ITGAV: variants seen among roughly 807,000 people sequenced by gnomAD.
The protein encoded by ITGAV is integrin alpha-V.
A neutral mutation model predicts 143.8 loss-of-function variants in ITGAV; 76 were observed. The ratio of observed to expected loss-of-function variants is 0.53; its 90% CI spans 0.44 to 0.64. The LOEUF (loss-of-function observed/expected upper bound fraction) is 0.64. Ranked by LOEUF, ITGAV falls within the 30% of genes least tolerant of loss-of-function variation. The pLI is 0.00. For synonymous variants in ITGAV, 453 were observed against 446.7 expected (o/e 1.01, Z -0.18); for missense variants, 1,193 against 1,274.7 (o/e 0.94, Z 0.98).
chr2:186,649,954 C>T, intron 14 of ITGAV, 69 bp downstream of exon 14: 1 of 1,019,944 alleles, frequency 9.8e-7, no homozygotes, highest in Non-Finnish European at 1.4e-6. Flanking sequence ...AATTAAGTGT[C>T]AGTGTTTGAA....
intron 18 of ITGAV, among the ~76,000 whole-genome samples, chr2:186,662,895 T>C (rs1005764676): frequency 2.6e-5 from 4 of 152,234 alleles, no homozygotes; most frequent in Admixed American, 6.5e-5. Flanking sequence ...TTTCTTTTCC[T>C]TTAAATCCTT....
rs755486603 is a variant in ITGAV, at chr2:186,590,455, C to G, written c.117C>G (p.Ala39=). The part of the protein sequence containing the change: ...RAFNLDVDSP[A]EYSGPEGSYF... ...TCAACCTAGACGTGGACAGTCCTGC[C>G]GAGTACTCTGGCCCCGAGGGAAGTT... Residue 39 remains alanine (A), a synonymous_variant, in exon 1 of 30, where the codon GCC becomes GCG. Transcript: ENST00000261023. 6.2e-7 allele frequency: 1 copy of G among 1,612,772 alleles called. No homozygotes were observed. Among genetic ancestry groups the G allele is most frequent in the East Asian group, 2.2e-5 (1 of 44,658 alleles).
At chr2:186,654,730 A>G (rs1356128138) in intron 16 of ITGAV, 22 bp downstream of exon 16, 10 of 1,189,908 alleles carry the variant, frequency 8.4e-6, no homozygotes, top group African/African-American at 1.5e-5. Flanking sequence ...ATGAAAAATC[A>G]TATTATTTTA....
intron 16 of ITGAV, 50 bp downstream of exon 16, chr2:186,654,758 G>A (rs763975835): frequency 1.5e-5 from 11 of 736,148 alleles, no homozygotes; most frequent in Non-Finnish European, 2.6e-5. Context: ...TGCATACACA[G>A]CACTTAAAAA....
chr2:186,600,368 A>C (rs773272114), intron 1 of ITGAV: 10 of 1,536,458 alleles, frequency 6.5e-6, no homozygotes, highest in African/African-American at 1.4e-5. Flanking sequence ...GATCCTGTAC[A>C]TCTTAATGTT....
intron 18 of ITGAV, among the ~76,000 whole-genome samples, chr2:186,661,468 G>A (rs1417753891): frequency 6.6e-6 from 1 of 152,164 alleles, no homozygotes; most frequent in African/African-American, 2.4e-5. Context: ...ATTGGACAAT[G>A]CAGTTCTAGT....
In ITGAV at chr2:186,590,524, G is replaced by A. The variant is rs1458593429; in HGVS notation, c.185+1G>A. ...ATTTCTTCGTGCCCAGCGCGTCTTCGTAAGTGGCCGCACTTGGAACTGGAG... is the reference window on the plus strand; with the variant it reads ...ATTTCTTCGTGCCCAGCGCGTCTTCATAAGTGGCCGCACTTGGAACTGGAG... On this transcript the variant is annotated splice_donor_variant, in intron 1 of 29. Coordinates refer to ENST00000261023, the MANE Select transcript of ITGAV (RefSeq NM_002210.5). LOFTEE classifies it high-confidence loss of function. 6.2e-7 allele frequency: 1 copy of A among 1,609,992 alleles called. No individual in the cohort carries two copies. Among genetic ancestry groups the A allele is most frequent in the Non-Finnish European group, 8.5e-7 (1 of 1,178,578 alleles).
Position 186,663,848 on chromosome 2 carries a change from T to C in ITGAV, c.1925+13T>C, listed in dbSNP as rs1412250488. 1.9e-6 allele frequency: 3 copies of C among 1,577,506 alleles called. No homozygotes were observed. The highest frequency in any genetic ancestry group is 2.7e-5 in the African/African-American group (2 of 74,156). On this transcript the variant is annotated intron_variant, in intron 19 of 29. Coordinates refer to ENST00000261023, the MANE Select transcript of ITGAV (RefSeq NM_002210.5). Reference sequence around the variant, plus strand: ...TTTCTGTAGATAGGTAAGTTTTGCTTGAAATAATAATGTAGTAAGAAATTT... The same window carrying C: ...TTTCTGTAGATAGGTAAGTTTTGCTCGAAATAATAATGTAGTAAGAAATTT...
At position 186,664,575 on chromosome 2, in the gene ITGAV, C is replaced by A. The variant is rs200857823; in HGVS notation, c.2007C>A (p.Tyr669Ter). The change falls in exon 20 of 30, where the codon TAC becomes TAA. Residue 669 changes from tyrosine to a stop codon, truncating the protein, a stop_gained. Coordinates refer to ENST00000261023, the MANE Select transcript of ITGAV (RefSeq NM_002210.5). LOFTEE classifies it high-confidence loss of function. Reference sequence around the variant, plus strand: ...CTCAGAATCAAGGAGAAGGTGCCTACGAAGCTGAGCTCATCGTTTCCATTC... The same window carrying A: ...CTCAGAATCAAGGAGAAGGTGCCTAAGAAGCTGAGCTCATCGTTTCCATTC... ...VKAQNQGEGAYEAELIVSIPL... is the reference protein window; with the variant it reads ...VKAQNQGEGA The A allele has an allele frequency of 1.9e-6, 3 of 1,613,974 alleles. No individual in the cohort carries two copies. Among genetic ancestry groups the A allele is most frequent in the African/African-American group, 1.3e-5 (1 of 74,928 alleles).
chr2:186,674,524 T>A (rs1433672953), intron 26 of ITGAV, among the ~76,000 whole-genome samples: 1 of 152,086 alleles, frequency 6.6e-6, no homozygotes, highest in Non-Finnish European at 1.5e-5. Context: ...TTTTTTTTTC[T>A]TTTTGAAGAA....
chr2:186,633,777 T>G (rs1159012044), intron 6 of ITGAV, among the ~76,000 whole-genome samples: 1 of 152,110 alleles, frequency 6.6e-6, no homozygotes, highest in Non-Finnish European at 1.5e-5. Flanking sequence ...GTTGAAGGTT[T>G]TGAAAGTATT....
Position 186,590,356 on chromosome 2 carries a change from G to A in ITGAV, c.18G>A (p.Arg6=), listed in dbSNP as rs957189225. 11 of 1,583,912 alleles carry A rather than the reference G, an allele frequency of 6.9e-6. No homozygotes were observed. The African/African-American group carries it at 1.4e-4, about 20-fold the overall frequency. The change falls in exon 1 of 30, where the codon CGG becomes CGA. Residue 6 remains arginine, a synonymous_variant. Coordinates refer to ENST00000261023, the MANE Select transcript of ITGAV (RefSeq NM_002210.5). MAFPP[R]RRLRLGPRGL... is the part of the protein sequence containing the mutation. ...CTTCGGCGATGGCTTTTCCGCCGCG[G>A]CGACGGCTGCGCCTCGGTCCCCGCG...
rs746894846 is a variant in ITGAV, at chr2:186,666,732, A to G, written c.2195A>G (p.His732Arg). 4 of 1,587,340 alleles carry G rather than the reference A, an allele frequency of 2.5e-6. No individual in the cohort carries two copies. Among genetic ancestry groups the G allele is most frequent in the Non-Finnish European group, 3.4e-6 (4 of 1,169,514 alleles). The change falls in exon 22 of 30, where the codon CAC becomes CGC. Residue 732 changes from histidine (H) to arginine (R), a missense_variant. Transcript: ENST00000261023. ...QLLAGLRFSVHQQSEMDTSVK... is the reference protein window; with the variant it reads ...QLLAGLRFSVRQQSEMDTSVK... The stretch of plus-strand genomic sequence containing the variant: ...TTAGCTGGTCTTCGTTTCAGTGTGC[A>G]CCAGCAGTCAGAGATGGATACTTCT...
rs200856961 is a variant in ITGAV at position 186,636,101 on chromosome 2, A to G, written c.651A>G (p.Gln217=). The G allele has an allele frequency of 2.5e-6, 4 of 1,613,052 alleles. No homozygotes were observed. In the East Asian group the frequency reaches 8.9e-5, roughly 36 times the overall value. ...TTTTAGGTCAGCTTATTTCGGATCA[A>G]GTGGCAGAAATCGTATCTAAATACG... The part of the protein sequence containing the change: ...FYWQGQLISD[Q]VAEIVSKYDP... Residue 217 remains glutamine (Q), a synonymous_variant, in exon 7 of 30, where the codon CAA becomes CAG. Transcript: ENST00000261023.
At chr2:186,652,902 C>A (rs1429363133) in intron 15 of ITGAV, among the ~76,000 whole-genome samples, 4 of 145,098 alleles carry the variant, frequency 2.8e-5, no homozygotes, top group Non-Finnish European at 6.0e-5. Context: ...TATGCTACTT[C>A]AGTAATTTTT....
At chr2:186,627,922 C>T (rs1015598800) in intron 4 of ITGAV, among the ~76,000 whole-genome samples, 4 of 152,136 alleles carry the variant, frequency 2.6e-5, no homozygotes, top group African/African-American at 4.8e-5. Flanking sequence ...GATTATTGTA[C>T]ATGCTTTTTG....
At chr2:186,662,360 G>A (rs921142594) in intron 18 of ITGAV, among the ~76,000 whole-genome samples, 2 of 152,050 alleles carry the variant, frequency 1.3e-5, no homozygotes, top group African/African-American at 4.8e-5. Context: ...ATATTTTTGT[G>A]TTTCCTTCAA....
intron 3 of ITGAV, 29 bp from the exon 4 acceptor site, chr2:186,625,444 C>T (rs369774993): frequency 1.0e-5 from 15 of 1,442,010 alleles, no homozygotes; most frequent in Middle Eastern, 1.7e-4. Flanking sequence ...AGAAAATCTT[C>T]GTGTCGTGGA....
At chr2:186,634,246 A>G (rs2105701998) in intron 6 of ITGAV, among the ~76,000 whole-genome samples, 1 of 151,168 alleles carries the variant, frequency 6.6e-6, no homozygotes, top group South Asian at 2.1e-4. Context: ...ATGTATCATT[A>G]GAGATACACA....
Sources: allele counts gnomAD v4.1 joint callset (sites outside exome capture counted in the v4.1 genomes callset), GRCh38; gene constraint gnomAD v4.1.1; transcripts MANE v1.5; gene names NCBI Gene and HGNC (gene_info 2026-07-23, HGNC 2026-07-21).